Variants in FBLN7 observed in about 807,000 individuals in gnomAD.
The protein encoded by FBLN7 is fibulin 7.
A neutral mutation model predicts 44.0 loss-of-function variants in FBLN7; 31 were observed. The ratio of observed to expected loss-of-function variants is 0.70; its 90% CI spans 0.53 to 0.95. FBLN7 has a LOEUF of 0.95. Among genes scored for constraint, FBLN7 ranks in the 40% least tolerant of loss-of-function variants. FBLN7 has a pLI of 0.00. For missense variants in FBLN7, 573 were observed against 618.5 expected (o/e 0.93, Z 0.78); for synonymous variants, 262 against 253.4 (o/e 1.03, Z -0.32).
intron 3 of FBLN7, among the ~76,000 whole-genome samples, chr2:112,165,577 A>C (rs1405227906): frequency 1.3e-5 from 2 of 152,178 alleles, no homozygotes; most frequent in African/African-American, 4.8e-5. Flanking sequence ...ATGTGAGGGC[A>C]AGAAGCTGCT....
At chr2:112,181,999 C>G (rs182683993) in intron 5 of FBLN7, 123 bp downstream of exon 5, 1 of 1,252,760 alleles carries the variant, frequency 8.0e-7, no homozygotes, top group East Asian at 3.0e-5. Context: ...CTCAGAAGGC[C>G]TGGCCACTTT....
intron 1 of FBLN7, among the ~76,000 whole-genome samples, chr2:112,146,640 T>C (rs1325135555): frequency 6.6e-6 from 1 of 151,920 alleles, no homozygotes; most frequent in Non-Finnish European, 1.5e-5. Context: ...TGGGCTTTTC[T>C]GCGTTGACCT....
At chr2:112,184,751 CACCATATAT>C (rs1259093940) in intron 6 of FBLN7, among the ~76,000 whole-genome samples, 2 of 66,718 alleles carry the variant, frequency 3.0e-5, no homozygotes, top group East Asian at 7.3e-4. Context: ...TATATACACA[CACCATATAT>C]ACCATATATA....
At chr2:112,183,299 C>T (rs1683096286) in intron 6 of FBLN7, among the ~76,000 whole-genome samples, 1 of 152,204 alleles carries the variant, frequency 6.6e-6, no homozygotes, top group African/African-American at 2.4e-5. Flanking sequence ...ACCCATGAGA[C>T]TCCATGACCC....
intron 3 of FBLN7, among the ~76,000 whole-genome samples, chr2:112,165,528 C>G (rs1682108027): frequency 6.6e-6 from 1 of 152,186 alleles, no homozygotes; most frequent in Non-Finnish European, 1.5e-5. Flanking sequence ...CTCCTTCACA[C>G]CACTCTCTGC....
intron 1 of FBLN7, among the ~76,000 whole-genome samples, chr2:112,155,966 C>T (rs892191001): frequency 6.6e-6 from 1 of 152,208 alleles, no homozygotes; most frequent in Non-Finnish European, 1.5e-5. Flanking sequence ...AAACTGAGCC[C>T]TCCATGTACC....
intron 2 of FBLN7, among the ~76,000 whole-genome samples, chr2:112,163,647 C>T (rs1012167046): frequency 3.3e-5 from 5 of 152,212 alleles, no homozygotes; most frequent in African/African-American, 1.2e-4. Context: ...TCAGCTACTA[C>T]CCTGGCCTGA....
At chr2:112,197,274 C>CACACACAGAGAG in the FBLN7 span, among the ~76,000 whole-genome samples, 49 of 98,656 alleles carry the variant, frequency 5.0e-4, 1 homozygote, top group Non-Finnish European at 7.8e-4. Context: ...CACACACACA[C>CACACACAGAGAG]AGAGAGAGAG....
At chr2:112,238,491 T>A in the FBLN7 span, 2 of 1,611,878 alleles carry the variant, frequency 1.2e-6, no homozygotes, top group Non-Finnish European at 1.7e-6. Context: ...TGATTTTCTA[T>A]GCAGCGAACT....
In FBLN7 at chr2:112,159,789, C is replaced by T. The variant is rs148298823; in HGVS notation, c.189C>T (p.Ala63=). ...TCCGCCACATGAAGAGCCGGCTGGC[C>T]GCGCTGCAGAACTCTGTGGGCAGGG... ...EGIRHMKSRL[A]ALQNSVGRVG... The change falls in exon 2 of 8, where the codon GCC becomes GCT. Residue 63 remains alanine, a synonymous_variant. Coordinates refer to ENST00000331203, the MANE Select transcript of FBLN7 (RefSeq NM_153214.3). 8.8e-6 allele frequency: 14 copies of T among 1,595,408 alleles called. No individual in the cohort carries two copies. Among genetic ancestry groups the T allele is most frequent in the South Asian group, 2.3e-5 (2 of 88,544 alleles).
the FBLN7 span, chr2:112,214,347 T>C: frequency 6.6e-6 from 1 of 152,176 alleles, no homozygotes; most frequent in African/African-American, 2.4e-5. Context: ...GCTTTGGCTT[T>C]AAAGACGGTC....
chr2:112,140,786 TG>T (rs1680603877), intron 1 of FBLN7, among the ~76,000 whole-genome samples: 1 of 152,166 alleles, frequency 6.6e-6, no homozygotes, highest in African/African-American at 2.4e-5. Flanking sequence ...CAGGCAGAGG[TG>T]GCCCGGGAGG....
the FBLN7 span, chr2:112,231,965 GA>G: frequency 7.3e-7 from 1 of 1,361,966 alleles, no homozygotes; most frequent in Non-Finnish European, 1.0e-6. Context: ...AAGTGTTAAG[GA>G]AGAGAACAAT....
the FBLN7 span, among the ~76,000 whole-genome samples, chr2:112,225,721 G>A: frequency 6.6e-6 from 1 of 152,246 alleles, no homozygotes; most frequent in Non-Finnish European, 1.5e-5. Context: ...GGAGGCTGAG[G>A]CAGGAATATC....
chr2:112,228,861 T>C, the FBLN7 span, among the ~76,000 whole-genome samples: 6 of 150,984 alleles, frequency 4.0e-5, no homozygotes, highest in African/African-American at 1.5e-4. Flanking sequence ...CCAACATACG[T>C]AAAGAACTCC....
At chr2:112,173,726 A>G (rs756612302) in intron 3 of FBLN7, among the ~76,000 whole-genome samples, 13 of 152,264 alleles carry the variant, frequency 8.5e-5, no homozygotes, top group Non-Finnish European at 1.8e-4. Context: ...AGCCCCTGCC[A>G]TGCACTTGAC....
chr2:112,164,797 G>T (rs940082486), intron 2 of FBLN7, among the ~76,000 whole-genome samples: 5 of 152,220 alleles, frequency 3.3e-5, no homozygotes, highest in Admixed American at 6.5e-5. Context: ...ATCACCTTTT[G>T]CTAAGCAGGC....
the FBLN7 span, among the ~76,000 whole-genome samples, chr2:112,242,155 A>G: frequency 6.6e-6 from 1 of 152,372 alleles, no homozygotes; most frequent in Admixed American, 6.5e-5. Context: ...AGCATGTGAC[A>G]AAAATCTAGA....
chr2:112,238,450 T>C, the FBLN7 span: 1 of 1,613,490 alleles, frequency 6.2e-7, no homozygotes, highest in African/African-American at 1.3e-5. Context: ...CAGATATCAT[T>C]ATCACTATAT....
Sources: allele counts gnomAD v4.1 joint callset (sites outside exome capture counted in the v4.1 genomes callset), GRCh38; gene constraint gnomAD v4.1.1; transcripts MANE v1.5; gene names NCBI Gene and HGNC (gene_info 2026-07-23, HGNC 2026-07-21).